The following NALF1 variants were observed in gnomAD, a reference collection of about 807,000 sequenced individuals.
The protein encoded by NALF1 is family with sequence similarity 155 member A.
A neutral mutation model predicts 48.4 loss-of-function variants in NALF1; 3 were observed. That is an observed-to-expected ratio of 0.06 (90% CI 0.03 to 0.16). NALF1 has a LOEUF of 0.16. Among genes scored for constraint, NALF1 ranks in the 10% least tolerant of loss-of-function variants. The pLI is 1.00. For synonymous variants in NALF1, 262 were observed against 245.7 expected (o/e 1.07, Z -0.62); for missense variants, 526 against 571.5 (o/e 0.92, Z 0.81).
At chr13:107,740,342 G>C (rs756024849) in intron 1 of NALF1, among the ~76,000 whole-genome samples, 2 of 152,164 alleles carry the variant, frequency 1.3e-5, no homozygotes, top group Non-Finnish European at 2.9e-5. Flanking sequence ...AGATGTAATA[G>C]AATCAGAAGA....
intron 1 of NALF1, among the ~76,000 whole-genome samples, chr13:107,685,862 C>T (rs868362819): frequency 2.6e-5 from 4 of 152,226 alleles, no homozygotes; most frequent in South Asian, 4.1e-4. Context: ...GGAGTCTCTA[C>T]GGACTCTGTT....
chr13:107,431,247 C>T (rs531035347), intron 1 of NALF1, among the ~76,000 whole-genome samples: 1 of 152,224 alleles, frequency 6.6e-6, no homozygotes, highest in Non-Finnish European at 1.5e-5. Context: ...AATTCATTAT[C>T]TTATTAAAAA....
chr13:107,645,326 T>A lies in NALF1; in HGVS notation c.915+220356A>T, dbSNP rs911613362. Among the ~76,000 whole-genome samples the A allele has an allele frequency of 3.9e-5, 6 of 152,158 alleles. No homozygotes were observed. In the South Asian group the frequency reaches 1.2e-3, roughly 32 times the overall value. On this transcript the variant is annotated intron_variant, in intron 1 of 2. Coordinates refer to ENST00000375915, the MANE Select transcript of NALF1 (RefSeq NM_001080396.3). ...GTATCAAAGTGTTTTTCAGTGTGCA[T>A]GTTTTTGATGACCCTGGTAGCCAGA...
chr13:107,324,060 G>C (rs1413471137), intron 1 of NALF1, among the ~76,000 whole-genome samples: 1 of 152,156 alleles, frequency 6.6e-6, no homozygotes, highest in Non-Finnish European at 1.5e-5. Context: ...AGTGGGCTAT[G>C]AATGTGCCAC....
chr13:107,506,646 T>C (rs1014208985), intron 1 of NALF1, among the ~76,000 whole-genome samples: 1 of 152,180 alleles, frequency 6.6e-6, no homozygotes, highest in Non-Finnish European at 1.5e-5. Context: ...TATGGGTCTC[T>C]AGTGAATGAC....
At chr13:107,197,075 A>G (rs1457625209) in intron 2 of NALF1, among the ~76,000 whole-genome samples, 1 of 152,136 alleles carries the variant, frequency 6.6e-6, no homozygotes, top group Non-Finnish European at 1.5e-5. Context: ...TGGCTTTGTA[A>G]GAAGAGGAAG....
At chr13:107,715,428 C>T (rs994269243) in intron 1 of NALF1, among the ~76,000 whole-genome samples, 1 of 152,072 alleles carries the variant, frequency 6.6e-6, no homozygotes, top group Admixed American at 6.5e-5. Context: ...TCTTGAACTC[C>T]CGACCTCAGG....
At chr13:107,818,759 C>T (rs1879256182) in intron 1 of NALF1, among the ~76,000 whole-genome samples, 1 of 142,418 alleles carries the variant, frequency 7.0e-6, no homozygotes, top group Non-Finnish European at 1.5e-5. Flanking sequence ...GTAGTCCCAG[C>T]TACTCGGGAG....
At chr13:107,358,442 C>A (rs1339632135) in intron 1 of NALF1, among the ~76,000 whole-genome samples, 1 of 151,908 alleles carries the variant, frequency 6.6e-6, no homozygotes, top group Non-Finnish European at 1.5e-5. Flanking sequence ...AGAAACAGAC[C>A]CCATCAAAAT....
rs1021033248 is a variant in NALF1 at position 107,740,614 on chromosome 13, T to G, written c.915+125068A>C. ...TAACAGAAAACTAAAAGTGTTTACC[T>G]ATTAATTTCAAACATTTTTCCATAA... On this transcript the variant is annotated intron_variant, in intron 1 of 2. Transcript: ENST00000375915. Among the ~76,000 whole-genome samples, 5 of 152,354 alleles carry G rather than the reference T, an allele frequency of 3.3e-5. No individual in the cohort carries two copies. In the South Asian group the frequency reaches 1.0e-3, roughly 32 times the overall value.
intron 1 of NALF1, among the ~76,000 whole-genome samples, chr13:107,857,024 A>G (rs1433931964): frequency 1.3e-5 from 2 of 152,202 alleles, no homozygotes; most frequent in East Asian, 3.8e-4. Flanking sequence ...TTGGATAGTA[A>G]GACTTCCTTC....
chr13:107,847,500 C>G (rs1880203373), intron 1 of NALF1, among the ~76,000 whole-genome samples: 1 of 152,192 alleles, frequency 6.6e-6, no homozygotes, highest in African/African-American at 2.4e-5. Flanking sequence ...ATGTCAGTCT[C>G]GTGATGACAT....
intron 1 of NALF1, among the ~76,000 whole-genome samples, chr13:107,387,006 C>CA (rs1317673761): frequency 1.3e-5 from 2 of 151,766 alleles, no homozygotes; most frequent in Non-Finnish European, 2.9e-5. Context: ...TAGCTATGCA[C>CA]AAAAAAATGA....
chr13:107,300,855 T>C (rs1385755404), intron 1 of NALF1, among the ~76,000 whole-genome samples: 1 of 152,218 alleles, frequency 6.6e-6, no homozygotes, highest in Non-Finnish European at 1.5e-5. Flanking sequence ...GTTCAAATGT[T>C]AATTTATTTC....
intron 1 of NALF1, among the ~76,000 whole-genome samples, chr13:107,266,961 C>T (rs1208267884): frequency 6.6e-6 from 1 of 152,138 alleles, no homozygotes; most frequent in East Asian, 1.9e-4. Flanking sequence ...ACTCAACCCA[C>T]CCAACTTCCT....
At chr13:107,265,200 T>G (rs1383540203) in intron 1 of NALF1, among the ~76,000 whole-genome samples, 1 of 152,240 alleles carries the variant, frequency 6.6e-6, no homozygotes, top group African/African-American at 2.4e-5. Flanking sequence ...ATGAATTGCC[T>G]ATGCATAACT....
At chr13:107,455,639 A>G (rs1251605805) in intron 1 of NALF1, among the ~76,000 whole-genome samples, 2 of 152,164 alleles carry the variant, frequency 1.3e-5, no homozygotes, top group East Asian at 3.9e-4. Flanking sequence ...CCACAACTAT[A>G]GCATCATACA....
intron 1 of NALF1, among the ~76,000 whole-genome samples, chr13:107,213,036 A>T (rs1288910876): frequency 6.6e-6 from 1 of 152,078 alleles, no homozygotes; most frequent in Non-Finnish European, 1.5e-5. Context: ...CGCATCCTGC[A>T]GCCATAAAGT....
chr13:107,307,468 CTTTTT>C, intron 1 of NALF1, among the ~76,000 whole-genome samples: 1 of 151,906 alleles, frequency 6.6e-6, no homozygotes, highest in East Asian at 1.9e-4. Flanking sequence ...GATGATCTCT[CTTTTT>C]TATTTTTATT....
Sources: allele counts gnomAD v4.1 joint callset (sites outside exome capture counted in the v4.1 genomes callset), GRCh38; gene constraint gnomAD v4.1.1; transcripts MANE v1.5; gene names NCBI Gene and HGNC (gene_info 2026-07-23, HGNC 2026-07-21).